COL19A1: variants seen among roughly 807,000 people sequenced by gnomAD.
The protein encoded by COL19A1 is collagen type XIX alpha 1 chain, also known as collagen alpha-1(XIX) chain.
COL19A1 carries 159 observed loss-of-function variants against 190.2 expected under a neutral mutation model. The ratio of observed to expected loss-of-function variants is 0.84; its 90% CI spans 0.73 to 0.95. COL19A1 has a LOEUF of 0.95. Ranked by LOEUF, COL19A1 falls within the 40% of genes least tolerant of loss-of-function variation. The pLI, the probability that COL19A1 is intolerant of heterozygous loss-of-function variation, is 0.00. For missense variants in COL19A1, 1,418 were observed against 1,431.9 expected (o/e 0.99, Z 0.16); for synonymous variants, 509 against 458.9 (o/e 1.11, Z -1.39).
intron 22 of COL19A1, 94 bp from the exon 23 acceptor site, chr6:70,142,673 G>C: frequency 1.8e-6 from 2 of 1,109,520 alleles, no homozygotes; most frequent in African/African-American, 3.2e-5. Context: ...TCCTATACAT[G>C]AAGATCACAC....
intron 4 of COL19A1, among the ~76,000 whole-genome samples, chr6:69,901,739 A>ACATT (rs1262452622): frequency 6.6e-6 from 1 of 152,220 alleles, no homozygotes; most frequent in Non-Finnish European, 1.5e-5. Context: ...GAAAGGCAAT[A>ACATT]CATTCTGTTT....
At chr6:69,870,870 A>G (rs1190072906) in intron 1 of COL19A1, among the ~76,000 whole-genome samples, 1 of 152,230 alleles carries the variant, frequency 6.6e-6, no homozygotes, top group East Asian at 1.9e-4. Flanking sequence ...TATGGATTCA[A>G]AAGACGTTTA....
At chr6:70,085,806 C>A (rs1274255257) in intron 15 of COL19A1, among the ~76,000 whole-genome samples, 2 of 152,140 alleles carry the variant, frequency 1.3e-5, no homozygotes, top group African/African-American at 2.4e-5. Context: ...AATTTAACTT[C>A]AGCTTGCTCA....
intron 5 of COL19A1, among the ~76,000 whole-genome samples, chr6:69,929,041 C>T (rs1772578910): frequency 6.6e-6 from 1 of 151,820 alleles, no homozygotes; most frequent in South Asian, 2.1e-4. Context: ...CCTTAAATTC[C>T]TGTGTTACTA....
At chr6:70,054,566 CTT>C (rs1448521051) in intron 14 of COL19A1, among the ~76,000 whole-genome samples, 2 of 152,116 alleles carry the variant, frequency 1.3e-5, no homozygotes, top group Non-Finnish European at 2.9e-5. Flanking sequence ...AATAAGTAAA[CTT>C]TGAGTATTAG....
intron 12 of COL19A1, among the ~76,000 whole-genome samples, chr6:70,026,664 G>A (rs1369164648): frequency 6.6e-6 from 1 of 152,084 alleles, no homozygotes; most frequent in African/African-American, 2.4e-5. Context: ...TCAGCTGCTT[G>A]GTTATTACAC....
chr6:69,918,383 T>C (rs977713525), intron 4 of COL19A1, among the ~76,000 whole-genome samples: 2 of 151,870 alleles, frequency 1.3e-5, no homozygotes, highest in African/African-American at 4.8e-5. Flanking sequence ...GTAGCCAGAG[T>C]CAAGATCTGT....
chr6:70,091,984 T>G (rs1244134158), intron 15 of COL19A1, among the ~76,000 whole-genome samples: 4 of 152,166 alleles, frequency 2.6e-5, no homozygotes, highest in Non-Finnish European at 5.9e-5. Context: ...CTCGGTTTTG[T>G]ACAATAGTAT....
At chr6:70,150,999 A>G (rs1193621970) in intron 30 of COL19A1, among the ~76,000 whole-genome samples, 1 of 152,174 alleles carries the variant, frequency 6.6e-6, no homozygotes, top group East Asian at 1.9e-4. Flanking sequence ...TACTTTTCAT[A>G]TTTCTCAACA....
chr6:70,132,884 C>G (rs1785610616), intron 18 of COL19A1, among the ~76,000 whole-genome samples: 1 of 151,762 alleles, frequency 6.6e-6, no homozygotes, highest in African/African-American at 2.4e-5. Flanking sequence ...TTTCCTCATT[C>G]ACACCATGGG....
At chr6:70,142,918 AT>A (rs752650119) in intron 23 of COL19A1, 98 bp downstream of exon 23, 14 of 1,140,502 alleles carry the variant, frequency 1.2e-5, no homozygotes, top group Non-Finnish European at 1.7e-5. Flanking sequence ...GTTATCCCTC[AT>A]TTCCCAAAGA....
chr6:70,057,244 C>T (rs892539021), intron 14 of COL19A1, among the ~76,000 whole-genome samples: 3 of 152,084 alleles, frequency 2.0e-5, no homozygotes, highest in Non-Finnish European at 2.9e-5. Flanking sequence ...CAATCATACA[C>T]CCACTTGCAT....
chr6:70,035,539 T>A (rs1779306930), intron 13 of COL19A1, among the ~76,000 whole-genome samples: 1 of 152,220 alleles, frequency 6.6e-6, no homozygotes, highest in South Asian at 2.1e-4. Context: ...ACTAACTTTG[T>A]CAGACAAATT....
intron 27 of COL19A1, among the ~76,000 whole-genome samples, chr6:70,147,920 C>G (rs1303147599): frequency 1.3e-5 from 2 of 152,128 alleles, no homozygotes; most frequent in African/African-American, 4.8e-5. Flanking sequence ...TCAAGTAACG[C>G]TTTCTTACGT....
chr6:70,121,754 A>G (rs868098604), intron 16 of COL19A1, 126 bp from the exon 17 acceptor site: 33 of 620,898 alleles, frequency 5.3e-5, no homozygotes, highest in Non-Finnish European at 8.4e-5. Flanking sequence ...TAATCAGAAT[A>G]TTTGACTAAA....
chr6:70,121,507 A>G (rs72916728), intron 16 of COL19A1, among the ~76,000 whole-genome samples: 22,017 of 152,220 alleles, frequency 0.14, 1,678 homozygotes, highest in Middle Eastern at 0.17. Flanking sequence ...ACACAGTTCT[A>G]TAGTACATTG....
intron 40 of COL19A1, 114 bp downstream of exon 40, chr6:70,168,795 TGGTGG>T: frequency 4.6e-6 from 5 of 1,095,018 alleles, no homozygotes; most frequent in Non-Finnish European, 6.8e-6. Context: ...ATTAACATGC[TGGTGG>T]TGACAAGCAG....
chr6:70,157,016 G>T (rs1315237953), intron 34 of COL19A1, among the ~76,000 whole-genome samples: 1 of 152,014 alleles, frequency 6.6e-6, no homozygotes, highest in African/African-American at 2.4e-5. Flanking sequence ...ATAAAAGTAA[G>T]GGAAAGGAGG....
intron 9 of COL19A1, 67 bp downstream of exon 9, chr6:69,938,167 C>T: frequency 7.0e-7 from 1 of 1,425,444 alleles, no homozygotes; most frequent in Non-Finnish European, 9.8e-7. Flanking sequence ...AAAATGTGTT[C>T]ATCTCATTTT....
Sources: gnomAD v4.1 joint callset for allele counts (sites outside exome capture counted in the v4.1 genomes callset) on GRCh38, gnomAD v4.1.1 for gene constraint, MANE v1.5 for transcripts, NCBI Gene and HGNC (gene_info 2026-07-23, HGNC 2026-07-21) for gene names.